Variants in FILIP1L observed in about 807,000 individuals in gnomAD.
FILIP1L encodes filamin A interacting protein 1 like.
In FILIP1L, 55 loss-of-function variants were observed where a neutral mutation model predicts 96.6. The ratio of observed to expected loss-of-function variants is 0.57; its 90% confidence interval spans 0.46 to 0.71. The LOEUF is 0.71. FILIP1L is among the 30% of genes least tolerant of loss of function. FILIP1L has a pLI of 0.00. For missense variants in FILIP1L, 1,304 were observed against 1,321.2 expected, an observed-to-expected ratio of 0.99 and a Z score of 0.20; for synonymous variants, 467 against 473.9, an observed-to-expected ratio of 0.99 and a Z score of 0.19.
chr3:100,108,278 A>G (rs2066427598), intron 1 of FILIP1L, among the ~76,000 whole-genome samples: 1 of 152,120 alleles, frequency 6.6e-6, no homozygotes. Flanking sequence ...AAGACTGATT[A>G]TTTTTTATAG....
rs138171100 is a variant in FILIP1L at position 99,924,412 on chromosome 3, C to T, written c.427-4G>A. 1.5e-3 allele frequency: 2,382 copies of T among 1,613,276 alleles called. 38 individuals are homozygous for T. The African/African-American group carries it at 0.025, about 17-fold the overall frequency. Reference sequence around the variant, plus strand: ...GTTTTTCCACAACTTTGTCCAACTACGAAAGAAAACATTTATAGCCTGTTA... The same window carrying T: ...GTTTTTCCACAACTTTGTCCAACTATGAAAGAAAACATTTATAGCCTGTTA... On this transcript the variant is annotated splice_polypyrimidine_tract_variant and splice_region_variant and intron_variant, in intron 3 of 5. Transcript: ENST00000477258.
intron 1 of FILIP1L, among the ~76,000 whole-genome samples, chr3:100,061,355 G>A (rs2065562821): frequency 6.6e-6 from 1 of 152,188 alleles, no homozygotes; most frequent in Non-Finnish European, 1.5e-5. Context: ...TTCACAGGTG[G>A]TTGAGGACCC....
intron 1 of FILIP1L, among the ~76,000 whole-genome samples, chr3:99,997,239 G>T (rs1006449619): frequency 6.6e-6 from 1 of 151,932 alleles, no homozygotes; most frequent in Non-Finnish European, 1.5e-5. Flanking sequence ...CCAAGAAGAA[G>T]GTCCAAATAA....
At chr3:99,889,890 C>A (rs1221311175) in intron 4 of FILIP1L, among the ~76,000 whole-genome samples, 1 of 152,000 alleles carries the variant, frequency 6.6e-6, no homozygotes, top group Non-Finnish European at 1.5e-5. Context: ...TATTTTAGTT[C>A]TAACTTTAAT....
At chr3:100,035,549 C>T (rs1248981561) in intron 1 of FILIP1L, among the ~76,000 whole-genome samples, 7 of 152,164 alleles carry the variant, frequency 4.6e-5, no homozygotes, top group African/African-American at 1.7e-4. Context: ...AGGCGTGAGA[C>T]ACTGCACACA....
chr3:99,867,519 C>G (rs1029090596), intron 4 of FILIP1L, among the ~76,000 whole-genome samples: 23 of 152,258 alleles, frequency 1.5e-4, no homozygotes, highest in Admixed American at 2.0e-4. Flanking sequence ...AGGTATTAAA[C>G]AATTGAAAAG....
At chr3:99,992,105 T>G (rs1340526876) in intron 1 of FILIP1L, among the ~76,000 whole-genome samples, 2 of 151,834 alleles carry the variant, frequency 1.3e-5, no homozygotes, top group Non-Finnish European at 2.9e-5. Context: ...ATCTTTGCTA[T>G]TGTGCATTGT....
intron 1 of FILIP1L, among the ~76,000 whole-genome samples, chr3:99,997,592 G>A (rs1030535045): frequency 9.9e-5 from 15 of 152,194 alleles, no homozygotes; most frequent in Non-Finnish European, 1.0e-4. Context: ...GATGGTAGGG[G>A]CAGGGTGGGA....
At chr3:99,834,269 C>T (rs1035591096) in intron 5 of FILIP1L, among the ~76,000 whole-genome samples, 1 of 152,212 alleles carries the variant, frequency 6.6e-6, no homozygotes, top group Non-Finnish European at 1.5e-5. Flanking sequence ...CATTAACCTC[C>T]TATGAGAGAT....
At chr3:100,018,111 CAGGTCA>C (rs1390743447) in intron 1 of FILIP1L, among the ~76,000 whole-genome samples, 3 of 152,020 alleles carry the variant, frequency 2.0e-5, no homozygotes, top group African/African-American at 7.2e-5. Flanking sequence ...GGCAGATCAC[CAGGTCA>C]AGAGATCGAG....
intron 1 of FILIP1L, among the ~76,000 whole-genome samples, chr3:100,045,739 A>G (rs1024548039): frequency 4.6e-5 from 7 of 152,244 alleles, no homozygotes; most frequent in East Asian, 3.8e-4. Context: ...AAGCCTTTAC[A>G]TTTCCAGACG....
chr3:99,959,836 A>C (rs575021112), intron 1 of FILIP1L, among the ~76,000 whole-genome samples: 28 of 152,290 alleles, frequency 1.8e-4, no homozygotes, highest in Non-Finnish European at 2.8e-4. Flanking sequence ...CCCAACAGTA[A>C]GATTATGAGC....
intron 1 of FILIP1L, among the ~76,000 whole-genome samples, chr3:100,076,801 T>C (rs2065857121): frequency 1.3e-5 from 2 of 152,248 alleles, no homozygotes; most frequent in Admixed American, 1.3e-4. Flanking sequence ...TAAAGTTGTT[T>C]AATAAGATCT....
intron 3 of FILIP1L, among the ~76,000 whole-genome samples, chr3:99,929,157 G>T (rs1176720640): frequency 6.6e-6 from 1 of 152,162 alleles, no homozygotes; most frequent in Admixed American, 6.5e-5. Context: ...GAAAATTAAA[G>T]AATAAAATAA....
chr3:99,958,223 TTATTA>T (rs1708392896), intron 1 of FILIP1L, among the ~76,000 whole-genome samples: 1 of 146,348 alleles, frequency 6.8e-6, no homozygotes, highest in South Asian at 2.1e-4. Flanking sequence ...ATTATTATTA[TTATTA>T]TTATTATTAT....
chr3:99,995,221 A>C (rs1709642365), intron 1 of FILIP1L, among the ~76,000 whole-genome samples: 1 of 152,208 alleles, frequency 6.6e-6, no homozygotes, highest in Non-Finnish European at 1.5e-5. Flanking sequence ...CAAATGGAAG[A>C]AATTGGCCAA....
chr3:100,026,582 T>C (rs753146698), intron 1 of FILIP1L, among the ~76,000 whole-genome samples: 24 of 152,318 alleles, frequency 1.6e-4, no homozygotes, highest in Middle Eastern at 3.4e-3. Flanking sequence ...TTGGCAACTC[T>C]TTTCTTCTAC....
chr3:99,871,815 T>C (rs143667233), intron 4 of FILIP1L, among the ~76,000 whole-genome samples: 1 of 152,120 alleles, frequency 6.6e-6, no homozygotes, highest in Non-Finnish European at 1.5e-5. Flanking sequence ...AAGTAGAGAG[T>C]GGGATTTGCC....
chr3:99,836,912 C>A (rs1942922885), intron 5 of FILIP1L, among the ~76,000 whole-genome samples: 1 of 152,198 alleles, frequency 6.6e-6, no homozygotes, highest in African/African-American at 2.4e-5. Flanking sequence ...GGCACAGAGC[C>A]ATGCAGTAAG....
Sources: allele counts gnomAD v4.1 joint callset (sites outside exome capture counted in the v4.1 genomes callset), GRCh38; gene constraint gnomAD v4.1.1; transcripts MANE v1.5; gene names NCBI Gene and HGNC (gene_info 2026-07-23, HGNC 2026-07-21).